The following RIMKLB variants were observed in gnomAD, a reference collection of about 807,000 sequenced individuals.
The protein encoded by RIMKLB is ribosomal modification protein rimK like family member B.
RIMKLB carries 7 observed loss-of-function variants against 32.0 expected under a neutral mutation model. The observed-to-expected ratio is 0.22, with a 90% CI of 0.12 to 0.41. The LOEUF is 0.41. Among genes scored for constraint, RIMKLB ranks in the 10% least tolerant of loss-of-function variants. The pLI, the probability that RIMKLB is intolerant of heterozygous loss-of-function variation, is 1.00. For synonymous variants in RIMKLB, 172 were observed against 185.1 expected (o/e 0.93, Z 0.57); for missense variants, 289 against 498.7 (o/e 0.58, Z 4.00).
At chr12:8,676,382 C>CTTTTTTTTTTTTTTT in the RIMKLB span, among the ~76,000 whole-genome samples, 1 of 37,310 alleles carries the variant, frequency 2.7e-5, no homozygotes, top group Non-Finnish European at 4.7e-5. Context: ...CCCCCAACAG[C>CTTTTTTTTTTTTTTT]TTTTTTTTTT....
intron 5 of RIMKLB, among the ~76,000 whole-genome samples, chr12:8,763,059 T>G (rs1949665897): frequency 6.6e-6 from 1 of 152,238 alleles, no homozygotes; most frequent in African/African-American, 2.4e-5. Context: ...CAAGTCTCTT[T>G]TAGCAGTGAG....
intron 2 of RIMKLB, among the ~76,000 whole-genome samples, chr12:8,720,028 G>T (rs1451386832): frequency 1.3e-5 from 2 of 152,156 alleles, no homozygotes; most frequent in Non-Finnish European, 2.9e-5. Flanking sequence ...ACCAAGGATG[G>T]TAAAGAATGA....
At chr12:8,754,552 C>T (rs1306118936) in intron 5 of RIMKLB, among the ~76,000 whole-genome samples, 1 of 152,064 alleles carries the variant, frequency 6.6e-6, no homozygotes, top group African/African-American at 2.4e-5. Flanking sequence ...GGTTTTTATC[C>T]TCCTCTTCTC....
At chr12:8,765,450 T>G (rs993589354) in intron 5 of RIMKLB, among the ~76,000 whole-genome samples, 1 of 152,192 alleles carries the variant, frequency 6.6e-6, no homozygotes, top group African/African-American at 2.4e-5. Context: ...GCTGCAGTTA[T>G]GGCGGCCCTT....
intron 2 of RIMKLB, among the ~76,000 whole-genome samples, chr12:8,719,086 T>C (rs1945177326): frequency 6.6e-6 from 1 of 152,152 alleles, no homozygotes; most frequent in Admixed American, 6.5e-5. Flanking sequence ...ACCCATCTCT[T>C]GACAACCACT....
intron 2 of RIMKLB, among the ~76,000 whole-genome samples, chr12:8,716,431 C>CTTTTTTTTTTTT (rs11307521): frequency 1.2e-5 from 1 of 81,682 alleles, no homozygotes; most frequent in Admixed American, 1.4e-4. Context: ...ATTAACATGT[C>CTTTTTTTTTTTT]TTTTTTTTTT....
intron 1 of RIMKLB, among the ~76,000 whole-genome samples, chr12:8,687,940 G>A (rs1453613947): frequency 6.6e-6 from 1 of 152,072 alleles, no homozygotes; most frequent in Admixed American, 6.6e-5. Flanking sequence ...GAGAACTGCA[G>A]GAAAAGGAGG....
At chr12:8,677,176 G>A (rs1349818715), upstream of RIMKLB, among the ~76,000 whole-genome samples, 1 of 152,196 alleles carries the variant, frequency 6.6e-6, no homozygotes, top group East Asian at 1.9e-4. Context: ...AGGAAAAAGT[G>A]TGGATAAATG....
Position 8,750,046 on chromosome 12 carries a change from A to G in RIMKLB, c.360A>G (p.Gln120=), listed in dbSNP as rs761548385. 6.2e-7 allele frequency: 1 copy of G among 1,612,164 alleles called. No individual in the cohort carries two copies. The highest frequency in any genetic ancestry group is 1.3e-5 in the African/African-American group (1 of 75,016). ...LNCVNKFWTF[Q]ELAGHGVPLP... Reference sequence around the variant, plus strand: ...GCGTTAATAAGTTCTGGACATTTCAAGAGTTGGCTGGCCATGGTGTTCCTC... The same window carrying G: ...GCGTTAATAAGTTCTGGACATTTCAGGAGTTGGCTGGCCATGGTGTTCCTC... Residue 120 remains glutamine (Q), a synonymous_variant, in exon 3 of 6, where the codon CAA becomes CAG. Coordinates refer to ENST00000535829, the MANE Select transcript of RIMKLB (RefSeq NM_001297776.2).
chr12:8,771,373 CAG>C (rs1206032715), intron 5 of RIMKLB, among the ~76,000 whole-genome samples: 2 of 151,982 alleles, frequency 1.3e-5, no homozygotes, highest in Non-Finnish European at 2.9e-5. Context: ...GAAAGGAGGA[CAG>C]GGGAAGGTTA....
At chr12:8,703,156 C>T (rs1207871608) in intron 1 of RIMKLB, among the ~76,000 whole-genome samples, 1 of 152,000 alleles carries the variant, frequency 6.6e-6, no homozygotes, top group Non-Finnish European at 1.5e-5. Flanking sequence ...TGTAGTGGCA[C>T]GTGCCTGTAA....
intron 5 of RIMKLB, among the ~76,000 whole-genome samples, chr12:8,767,877 A>G (rs1459036533): frequency 3.9e-5 from 6 of 152,220 alleles, no homozygotes; most frequent in Non-Finnish European, 8.8e-5. Flanking sequence ...TTTTCCTCCA[A>G]TTCTAAGGAA....
At chr12:8,773,247 C>A (rs913522921) in intron 5 of RIMKLB, 74 bp from the exon 6 acceptor site, 5 of 1,049,856 alleles carry the variant, frequency 4.8e-6, no homozygotes, top group Non-Finnish European at 5.8e-6. Context: ...AAAGGCTTAG[C>A]CTTGGAGGCC....
chr12:8,731,862 C>T (rs1946580011), intron 2 of RIMKLB, among the ~76,000 whole-genome samples: 1 of 151,968 alleles, frequency 6.6e-6, no homozygotes, highest in Non-Finnish European at 1.5e-5. Context: ...ATTTTAAAGT[C>T]ATTTCAGATT....
intron 5 of RIMKLB, among the ~76,000 whole-genome samples, chr12:8,754,513 T>C (rs752053817): frequency 3.9e-5 from 6 of 152,354 alleles, no homozygotes; most frequent in South Asian, 2.1e-4. Context: ...AGATCTCTTA[T>C]TGTTAGGTAC....
downstream of RIMKLB, chr12:8,777,687 T>C (rs1950815875): frequency 7.8e-7 from 1 of 1,288,574 alleles, no homozygotes; most frequent in Non-Finnish European, 1.0e-6. Flanking sequence ...GTGAGAAGTA[T>C]TGAGAACTTT....
chr12:8,694,390 TTTTTTC>T (rs765016350), upstream of RIMKLB, among the ~76,000 whole-genome samples: 36 of 137,840 alleles, frequency 2.6e-4, no homozygotes, highest in Non-Finnish European at 3.9e-4. Flanking sequence ...CTGTTGAATT[TTTTTTC>T]TTTTTTTTTT....
In RIMKLB at chr12:8,776,095, TAC is replaced by T; in HGVS notation, c.*2313_*2314del. The stretch of plus-strand genomic sequence containing the variant: ...TTATGACACATACACTTTGAATAGT[TAC>T]ATATCACAAGTATGTAGTTCATGTT... On this transcript the variant is annotated 3_prime_UTR_variant, in exon 6 of 6. Transcript: ENST00000535829. 2.0e-6 allele frequency: 2 copies of T among 984,734 alleles called. No homozygotes were observed. Among genetic ancestry groups the T allele is most frequent in the East Asian group, 1.1e-4 (1 of 8,820 alleles). The allele number at this position is 984,734 out of a possible 1,614,324, so 61.0% of individuals were successfully genotyped here.
chr12:8,761,250 C>T (rs527416992), intron 5 of RIMKLB, among the ~76,000 whole-genome samples: 8 of 123,936 alleles, frequency 6.5e-5, no homozygotes, highest in African/African-American at 2.6e-4. Context: ...GTGGTTGAGA[C>T]GAGAGGGTGA....
Sources: gnomAD v4.1 joint callset for allele counts (sites outside exome capture counted in the v4.1 genomes callset) on GRCh38, gnomAD v4.1.1 for gene constraint, MANE v1.5 for transcripts, NCBI Gene and HGNC (gene_info 2026-07-23, HGNC 2026-07-21) for gene names.